SLC25A37: variants seen among roughly 807,000 people sequenced by gnomAD.
SLC25A37 encodes mitoferrin-1.
SLC25A37 carries 17 observed loss-of-function variants against 31.0 expected under a neutral mutation model. The observed-to-expected ratio is 0.55, with a 90% CI of 0.38 to 0.82. SLC25A37 has a LOEUF of 0.82. Ranked by LOEUF, SLC25A37 falls within the 40% of genes least tolerant of loss-of-function variation. The pLI, the probability that SLC25A37 is intolerant of heterozygous loss-of-function variation, is 0.00. For synonymous variants in SLC25A37, 222 were observed against 193.0 expected, an observed-to-expected ratio of 1.15 and a Z score of -1.24; for missense variants, 404 against 465.8, an observed-to-expected ratio of 0.87 and a Z score of 1.22.
At chr8:23,546,554 GTGTATATATATATATATATATATATATA>G (rs1253222647) in intron 1 of SLC25A37, among the ~76,000 whole-genome samples, 940 of 5,982 alleles carry the variant, frequency 0.16, 42 homozygotes, top group African/African-American at 0.3. Flanking sequence ...TATATATATA[GTGTATATATATATATATATATATATATA>G]GTGTATATAT....
At chr8:23,548,657 A>G (rs1802138244) in intron 1 of SLC25A37, among the ~76,000 whole-genome samples, 1 of 151,914 alleles carries the variant, frequency 6.6e-6, no homozygotes, top group East Asian at 1.9e-4. Flanking sequence ...TTTAGTAGAC[A>G]CTGGGTTTCT....
intron 1 of SLC25A37, among the ~76,000 whole-genome samples, chr8:23,554,866 C>A (rs1472769099): frequency 6.6e-6 from 1 of 152,202 alleles, no homozygotes; most frequent in South Asian, 2.1e-4. Flanking sequence ...CTCTCAGATA[C>A]TGGAGAGCCC....
At chr8:23,545,465 G>C (rs1435568170) in intron 1 of SLC25A37, among the ~76,000 whole-genome samples, 1 of 152,206 alleles carries the variant, frequency 6.6e-6, no homozygotes, top group Non-Finnish European at 1.5e-5. Flanking sequence ...GAAGCTCTTG[G>C]ATCTCACAGC....
intron 1 of SLC25A37, among the ~76,000 whole-genome samples, chr8:23,530,055 C>T (rs1205892279): frequency 6.6e-6 from 1 of 152,142 alleles, no homozygotes; most frequent in Admixed American, 6.5e-5. Flanking sequence ...TAGACTGAGA[C>T]CTGCCCTCTG....
Position 23,571,321 on chromosome 8 carries a change from G to C in SLC25A37, c.497-14G>C. ...TGGCTGTCCGTCTGGCCTGCCCCGC[G>C]GTTCCAACCACAGTGGTGAAGCAGC... On this transcript the variant is annotated splice_polypyrimidine_tract_variant and intron_variant, in intron 3 of 3. Coordinates refer to ENST00000519973, the MANE Select transcript of SLC25A37 (RefSeq NM_016612.4). 6.5e-7 allele frequency: 1 copy of C among 1,545,680 alleles called. No homozygotes were observed.
intron 3 of SLC25A37, among the ~76,000 whole-genome samples, chr8:23,569,656 C>CT (rs1802769001): frequency 6.6e-6 from 1 of 152,254 alleles, no homozygotes; most frequent in African/African-American, 2.4e-5. Flanking sequence ...TTAGCCATCT[C>CT]TTTCCACATT....
chr8:23,554,739 A>G (rs1412848039), intron 1 of SLC25A37, among the ~76,000 whole-genome samples: 1 of 152,160 alleles, frequency 6.6e-6, no homozygotes, highest in Non-Finnish European at 1.5e-5. Flanking sequence ...GGAGAGGGAA[A>G]TCTAACTGGT....
chr8:23,546,531 G>GTATATATA (rs1251864600), intron 1 of SLC25A37, among the ~76,000 whole-genome samples: 5 of 36,438 alleles, frequency 1.4e-4, no homozygotes, highest in African/African-American at 4.2e-4. Context: ...ATATATAGGT[G>GTATATATA]TATATATATA....
At chr8:23,560,254 G>A (rs1585196956) in intron 1 of SLC25A37, among the ~76,000 whole-genome samples, 1 of 152,158 alleles carries the variant, frequency 6.6e-6, no homozygotes. Flanking sequence ...GGTGATAGGT[G>A]AGACCCTGTC....
At chr8:23,560,681 C>T (rs1290382599) in intron 1 of SLC25A37, among the ~76,000 whole-genome samples, 5 of 152,194 alleles carry the variant, frequency 3.3e-5, no homozygotes, top group Admixed American at 3.3e-4. Context: ...CTGTCTGGGG[C>T]TTGTGTCATT....
chr8:23,566,422 G>A (rs1489756901), intron 2 of SLC25A37, 86 bp downstream of exon 2: 6 of 1,510,880 alleles, frequency 4.0e-6, no homozygotes, highest in Non-Finnish European at 3.5e-6. Flanking sequence ...TGACCCAGCC[G>A]CCTCGACTTC....
chr8:23,571,968 T>C lies in SLC25A37; in HGVS notation c.*113T>C, dbSNP rs1585208893. 1 of 1,179,586 alleles carries C rather than the reference T, an allele frequency of 8.5e-7. No homozygotes were observed. Among genetic ancestry groups the C allele is most frequent in the Non-Finnish European group, 1.2e-6 (1 of 840,184 alleles). The allele number at this position is 1,179,586 out of a possible 1,614,324, so 73.1% of individuals were successfully genotyped here. On this transcript the variant is annotated 3_prime_UTR_variant, in exon 4 of 4. Transcript: ENST00000519973. ...TTTGCAGGGTGCTGCCTATGGGCCC[T>C]CTGCTCCCCAATGCCTTAGAGAGAG...
chr8:23,560,351 C>T (rs549837774), intron 1 of SLC25A37, among the ~76,000 whole-genome samples: 13 of 152,344 alleles, frequency 8.5e-5, no homozygotes, highest in Admixed American at 3.9e-4. Flanking sequence ...CCTTCCTAGC[C>T]GCCTGCCTTC....
rs1217158193 is a variant in SLC25A37, at chr8:23,572,465, A to G, written c.*610A>G. The G allele has an allele frequency of 1.3e-5, 2 of 152,594 alleles. No individual in the cohort carries two copies. Among genetic ancestry groups the G allele is most frequent in the African/African-American group, 2.4e-5 (1 of 41,422 alleles). The allele number at this position is 152,594 out of a possible 1,614,324, so 9.5% of individuals were successfully genotyped here. On this transcript the variant is annotated 3_prime_UTR_variant, in exon 4 of 4. Coordinates refer to ENST00000519973, the MANE Select transcript of SLC25A37 (RefSeq NM_016612.4). ...AACGAAAAAGGCAACAAAGTAATAAATCAGTGAATGTGGCCGGCAGCTGTG... is the reference window on the plus strand; with the variant it reads ...AACGAAAAAGGCAACAAAGTAATAAGTCAGTGAATGTGGCCGGCAGCTGTG...
intron 1 of SLC25A37, among the ~76,000 whole-genome samples, chr8:23,549,641 G>T (rs75932841): frequency 0.057 from 8,726 of 152,264 alleles, 341 homozygotes; most frequent in Middle Eastern, 0.11. Context: ...AAGGTGAAAG[G>T]TGTGTGGAGA....
intron 1 of SLC25A37, 46 bp from the exon 2 acceptor site, chr8:23,566,061 CT>C: frequency 6.5e-7 from 1 of 1,529,350 alleles, no homozygotes; most frequent in East Asian, 2.5e-5. Flanking sequence ...CTTTACCATC[CT>C]GATTAACTCT....
At chr8:23,568,500 A>T (rs142151605) in intron 3 of SLC25A37, 122 bp downstream of exon 3, 11 of 1,072,140 alleles carry the variant, frequency 1.0e-5, no homozygotes, top group Non-Finnish European at 1.6e-5. Context: ...CAGTCAGAGC[A>T]GACAGGAGAA....
chr8:23,555,689 C>T (rs1802345664), intron 1 of SLC25A37, among the ~76,000 whole-genome samples: 1 of 152,206 alleles, frequency 6.6e-6, no homozygotes, highest in Admixed American at 6.5e-5. Flanking sequence ...TCAGAGGCGG[C>T]AGATGACCAG....
In SLC25A37 at chr8:23,556,352, C is replaced by T. The variant is rs2117432514; in HGVS notation, c.211-9756C>T. Among the ~76,000 whole-genome samples the T allele has an allele frequency of 1.3e-5, 2 of 151,642 alleles. 1 individual carries two copies. The highest frequency in any genetic ancestry group is 3.9e-4 in the East Asian group (2 of 5,120). On this transcript the variant is annotated intron_variant, in intron 1 of 3. Transcript: ENST00000519973. ...CCTCTCACCTTAGCCTCCCAAGTAG[C>T]TAAGACCACTGGCACCCACCATGCC...
Sources: gnomAD v4.1 joint callset for allele counts (sites outside exome capture counted in the v4.1 genomes callset) on GRCh38, gnomAD v4.1.1 for gene constraint, MANE v1.5 for transcripts, NCBI Gene and HGNC (gene_info 2026-07-23, HGNC 2026-07-21) for gene names.